The following SETBP1 variants were observed in gnomAD, a reference collection of about 807,000 sequenced individuals.
The protein encoded by SETBP1 is SET-binding protein.
In SETBP1, 9 loss-of-function variants were observed where a neutral mutation model predicts 101.0. The observed-to-expected ratio is 0.09, with a 90% CI of 0.05 to 0.16. The LOEUF (loss-of-function observed/expected upper bound fraction) is 0.16. SETBP1 is among the 10% of genes least tolerant of loss of function. The pLI is 1.00. For missense variants in SETBP1, 1,858 were observed against 2,033.8 expected, an observed-to-expected ratio of 0.91 and a Z score of 1.66; for synonymous variants, 818 against 788.5, an observed-to-expected ratio of 1.04 and a Z score of -0.63.
intron 4 of SETBP1, among the ~76,000 whole-genome samples, chr18:44,977,349 C>T (rs1322611644): frequency 6.6e-6 from 1 of 152,212 alleles, no homozygotes; most frequent in African/African-American, 2.4e-5. Flanking sequence ...TAAGCCTGAT[C>T]TAACTTTGGT....
chr18:44,718,705 A>G (rs558988456), intron 2 of SETBP1, among the ~76,000 whole-genome samples: 1 of 152,254 alleles, frequency 6.6e-6, no homozygotes, highest in Non-Finnish European at 1.5e-5. Context: ...ACCGTTGTCT[A>G]TTTGACTCAT....
chr18:44,791,061 A>T (rs2071361815), intron 2 of SETBP1, among the ~76,000 whole-genome samples: 1 of 152,186 alleles, frequency 6.6e-6, no homozygotes, highest in Admixed American at 6.5e-5. Flanking sequence ...AGTTTAGAGA[A>T]GTTCAAGGAC....
chr18:44,743,341 C>T (rs116916295), intron 2 of SETBP1, among the ~76,000 whole-genome samples: 3,720 of 152,172 alleles, frequency 0.024, 61 homozygotes, highest in Middle Eastern at 0.048. Flanking sequence ...AAAAGAAAAA[C>T]AACAACAACA....
intron 4 of SETBP1, among the ~76,000 whole-genome samples, chr18:45,028,456 T>G (rs897312489): frequency 0.047 from 7,152 of 152,092 alleles, 569 homozygotes; most frequent in African/African-American, 0.16. Flanking sequence ...TTGTGAATAG[T>G]GCCGCAATAA....
At chr18:44,835,175 C>G (rs1219381908) in intron 2 of SETBP1, among the ~76,000 whole-genome samples, 1 of 152,102 alleles carries the variant, frequency 6.6e-6, no homozygotes, top group Non-Finnish European at 1.5e-5. Context: ...AGCACAGGGT[C>G]AGGTCACAGA....
rs143118225 is a variant in SETBP1, at chr18:44,738,539, C to T, written c.486+36707C>T. Among the ~76,000 whole-genome samples the T allele has an allele frequency of 4.6e-3, 707 of 152,142 alleles. 5 individuals are homozygous for T. The highest frequency in any genetic ancestry group is 0.016 in the African/African-American group (660 of 41,500). ...CTGTAATCCCAGCACTTTGGGAGGC[C>T]GAGGCAGGCAGATCACCTGAGGTTA... On this transcript the variant is annotated intron_variant, in intron 2 of 5. Transcript: ENST00000649279.
intron 2 of SETBP1, among the ~76,000 whole-genome samples, chr18:44,807,034 A>C (rs1219318333): frequency 3.3e-5 from 5 of 152,136 alleles, no homozygotes; most frequent in African/African-American, 2.4e-5. Context: ...ACTGGGTTCA[A>C]AACTGCATTG....
At chr18:44,753,142 C>A (rs1275326693) in intron 2 of SETBP1, among the ~76,000 whole-genome samples, 4 of 152,102 alleles carry the variant, frequency 2.6e-5, no homozygotes, top group Non-Finnish European at 5.9e-5. Flanking sequence ...TAGATTATTT[C>A]CAAAACCCTA....
At chr18:44,930,252 A>G (rs150942849) in intron 3 of SETBP1, among the ~76,000 whole-genome samples, 9 of 152,312 alleles carry the variant, frequency 5.9e-5, no homozygotes, top group South Asian at 2.1e-4. Context: ...GGATTTGCAT[A>G]TGTTGAACCA....
intron 2 of SETBP1, among the ~76,000 whole-genome samples, chr18:44,855,529 G>A (rs983536806): frequency 6.6e-6 from 1 of 152,144 alleles, no homozygotes; most frequent in African/African-American, 2.4e-5. Flanking sequence ...TTAAGTGGAC[G>A]GGCTGATGAA....
At position 44,868,668 on chromosome 18, in the gene SETBP1, G is replaced by A. The variant is rs952434806; in HGVS notation, c.487-562G>A. On this transcript the variant is annotated intron_variant, in intron 2 of 5. Coordinates refer to ENST00000649279, the MANE Select transcript of SETBP1 (RefSeq NM_015559.3). ...CAAGATCATGCCACTGTACTCCAGC[G>A]AGAGAGAGAGAGAGAGAGAGAGAGA... Among the ~76,000 whole-genome samples the A allele has an allele frequency of 2.2e-4, 11 of 50,438 alleles. No individual in the cohort carries two copies. The East Asian group carries it at 3.3e-3, about 15-fold the overall frequency. The allele number at this position is 50,438 out of a possible 152,430, so 33.1% of individuals were successfully genotyped here.
At chr18:44,899,152 C>G (rs910635396) in intron 3 of SETBP1, among the ~76,000 whole-genome samples, 3 of 152,142 alleles carry the variant, frequency 2.0e-5, no homozygotes, top group African/African-American at 7.2e-5. Flanking sequence ...CCTTCAATGT[C>G]TTTCTATGCT....
At chr18:44,993,076 A>T (rs765366491) in intron 4 of SETBP1, among the ~76,000 whole-genome samples, 5 of 152,108 alleles carry the variant, frequency 3.3e-5, no homozygotes, top group Non-Finnish European at 5.9e-5. Context: ...ATGTCAATTG[A>T]TGCAGAAGTC....
At chr18:44,902,325 T>G (rs1353813789) in intron 3 of SETBP1, among the ~76,000 whole-genome samples, 14 of 152,194 alleles carry the variant, frequency 9.2e-5, no homozygotes, top group African/African-American at 3.1e-4. Flanking sequence ...GCACCTGTGT[T>G]AAATATTTAT....
At chr18:45,020,161 G>C (rs940536924) in intron 4 of SETBP1, among the ~76,000 whole-genome samples, 2 of 148,600 alleles carry the variant, frequency 1.3e-5, no homozygotes, top group African/African-American at 5.0e-5. Context: ...TTAAAAAGTG[G>C]CTTCTCCTCG....
At chr18:44,717,808 A>G (rs1027131003) in intron 2 of SETBP1, among the ~76,000 whole-genome samples, 1 of 152,198 alleles carries the variant, frequency 6.6e-6, no homozygotes, top group Admixed American at 6.5e-5. Flanking sequence ...TAAAACAAAG[A>G]TAAGAGAAAG....
chr18:44,806,509 T>C (rs2144804372), intron 2 of SETBP1, among the ~76,000 whole-genome samples: 1 of 152,242 alleles, frequency 6.6e-6, no homozygotes, highest in Non-Finnish European at 1.5e-5. Flanking sequence ...TGTTTTGATT[T>C]TCTCACTTAT....
chr18:44,754,974 G>T (rs2070460957), intron 2 of SETBP1, among the ~76,000 whole-genome samples: 1 of 152,174 alleles, frequency 6.6e-6, no homozygotes, highest in Admixed American at 6.5e-5. Flanking sequence ...TCATTATTCT[G>T]TCCTGGCATT....
chr18:44,783,781 C>G (rs573605101), intron 2 of SETBP1, among the ~76,000 whole-genome samples: 3 of 152,062 alleles, frequency 2.0e-5, no homozygotes, highest in Admixed American at 1.3e-4. Context: ...TTGACTTGTC[C>G]AAGATTGAAA....
Sources: gnomAD v4.1 joint callset for allele counts (sites outside exome capture counted in the v4.1 genomes callset) on GRCh38, gnomAD v4.1.1 for gene constraint, MANE v1.5 for transcripts, NCBI Gene and HGNC (gene_info 2026-07-23, HGNC 2026-07-21) for gene names.